The following NUP210 variants were observed in gnomAD, a reference collection of about 807,000 sequenced individuals.
NUP210 encodes nuclear pore membrane glycoprotein 210.
Under a neutral mutation model 196.0 loss-of-function variants are expected in NUP210, and 151 were observed. The ratio of observed to expected loss-of-function variants is 0.77; its 90% CI spans 0.67 to 0.88. The LOEUF (loss-of-function observed/expected upper bound fraction) is 0.88, where lower values mean the gene tolerates loss of function less well. NUP210 is among the 40% of genes least tolerant of loss of function. NUP210 has a pLI of 0.00. For synonymous variants in NUP210, 1,070 were observed against 1,052.7 expected, an observed-to-expected ratio of 1.02 and a Z score of -0.32; for missense variants, 2,314 against 2,493.7, an observed-to-expected ratio of 0.93 and a Z score of 1.53.
chr3:13,345,091 C>T, intron 20 of NUP210: 4 of 985,462 alleles, frequency 4.1e-6, no homozygotes, highest in Non-Finnish European at 4.8e-6. Flanking sequence ...ACAGCCTAGC[C>T]TCCTACGAGC....
intron 33 of NUP210, among the ~76,000 whole-genome samples, chr3:13,324,457 C>T (rs569443625): frequency 1.4e-4 from 21 of 152,132 alleles, no homozygotes; most frequent in Non-Finnish European, 2.5e-4. Flanking sequence ...TCTAGCTCCC[C>T]GGCCCAGGCT....
chr3:13,374,691 C>T (rs1247680687), intron 11 of NUP210, among the ~76,000 whole-genome samples: 1 of 152,218 alleles, frequency 6.6e-6, no homozygotes, highest in Non-Finnish European at 1.5e-5. Context: ...CCTCCCTGAC[C>T]AGACACAAGC....
At chr3:13,366,161 C>T (rs950231804) in intron 13 of NUP210, 70 bp from the exon 14 acceptor site, 1 of 1,479,068 alleles carries the variant, frequency 6.8e-7, no homozygotes, top group Non-Finnish European at 9.2e-7. Flanking sequence ...TGGAGTCTCG[C>T]TGTGTTGCCC....
intron 20 of NUP210, chr3:13,345,116 T>G: frequency 1.0e-6 from 1 of 985,442 alleles, no homozygotes; most frequent in Non-Finnish European, 1.2e-6. Context: ...CTTGATTGGA[T>G]GAAGATCCAG....
At chr3:13,345,405 C>G (rs1259801701) in intron 20 of NUP210, among the ~76,000 whole-genome samples, 1 of 152,224 alleles carries the variant, frequency 6.6e-6, no homozygotes, top group East Asian at 1.9e-4. Context: ...TTAGGCTCCT[C>G]CTCCGACTCT....
intron 1 of NUP210, among the ~76,000 whole-genome samples, chr3:13,408,020 AC>A (rs1385793667): frequency 1.3e-5 from 2 of 152,124 alleles, no homozygotes; most frequent in Non-Finnish European, 2.9e-5. Context: ...TCTTCCATGG[AC>A]ACTCAGAGGA....
chr3:13,319,700 G>A (rs1696430303), intron 37 of NUP210, 63 bp downstream of exon 37: 1 of 1,424,048 alleles, frequency 7.0e-7, no homozygotes, highest in Non-Finnish European at 9.9e-7. Context: ...TGATAGCCAG[G>A]ACCACTCCTG....
chr3:13,401,604 G>T (rs1012817996), intron 1 of NUP210, among the ~76,000 whole-genome samples: 1 of 152,176 alleles, frequency 6.6e-6, no homozygotes. Context: ...AGCCCACACA[G>T]GAGACAAGAA....
chr3:13,322,006 G>A (rs746343691), intron 35 of NUP210, among the ~76,000 whole-genome samples, 171 bp from the exon 36 acceptor site: 1 of 152,164 alleles, frequency 6.6e-6, no homozygotes, highest in Non-Finnish European at 1.5e-5. Context: ...CCTTGGCCAA[G>A]CTAGGATACC....
At chr3:13,319,358 C>T in intron 37 of NUP210, 33 bp from the exon 38 acceptor site, 1 of 1,544,678 alleles carries the variant, frequency 6.5e-7, no homozygotes, top group Non-Finnish European at 8.9e-7. Context: ...TTACCAAAAC[C>T]ACCAGGCCCA....
chr3:13,322,730 C>T (rs559815811), intron 34 of NUP210, among the ~76,000 whole-genome samples: 5 of 152,348 alleles, frequency 3.3e-5, no homozygotes, highest in South Asian at 4.1e-4. Context: ...ATTTAGGCAA[C>T]GGCACAGTGC....
In NUP210 at chr3:13,323,833, CTG is replaced by C. The variant is rs1471096009; in HGVS notation, c.4645-403_4645-402del. Among the ~76,000 whole-genome samples the C allele has an allele frequency of 6.6e-6, 1 of 152,178 alleles. No individual in the cohort carries two copies. Among genetic ancestry groups the C allele is most frequent in the Non-Finnish European group, 1.5e-5 (1 of 68,024 alleles). ...CCCAGCTGTTCCCCCTGTGCCCATC[CTG>C]TACCTGGCCACACCCAAACAGCCCC... On this transcript the variant is annotated intron_variant, in intron 33 of 39. Transcript: ENST00000254508. This position sits in a 1 kb window ranked among gnomAD's most constrained non-coding sequence, Gnocchi z 4.3.
intron 1 of NUP210, among the ~76,000 whole-genome samples, chr3:13,407,411 G>A (rs1467539618): frequency 6.6e-6 from 1 of 152,018 alleles, no homozygotes; most frequent in African/African-American, 2.4e-5. Context: ...TAGGGTCAGG[G>A]CCCTCCTCAC....
At chr3:13,365,909 G>A in intron 14 of NUP210, 37 bp downstream of exon 14, 1 of 1,611,284 alleles carries the variant, frequency 6.2e-7, no homozygotes, top group Middle Eastern at 1.7e-4. Context: ...GGAAGGAGTG[G>A]GCAGGGGGGT....
At chr3:13,334,346 T>C in intron 28 of NUP210, among the ~76,000 whole-genome samples, 1 of 151,960 alleles carries the variant, frequency 6.6e-6, no homozygotes, top group East Asian at 1.9e-4. Flanking sequence ...ATTTGGTGAG[T>C]GTGGGGATGT....
At position 13,330,466 on chromosome 3, in the gene NUP210, A is replaced by G. The variant is rs149702988; in HGVS notation, c.4104T>C (p.Ala1368=). ...PFGANQTIIV[A]VKVSPVSYLR... Reference sequence around the variant, plus strand: ...GAGGAGAATGCAACCCTACCTTTACAGCAACAATGATGGTTTGGTTGGCCC... The same window carrying G: ...GAGGAGAATGCAACCCTACCTTTACGGCAACAATGATGGTTTGGTTGGCCC... The change falls in exon 30 of 40, where the codon GCT becomes GCC. Residue 1368 remains alanine (A), a synonymous_variant. Transcript: ENST00000254508. The G allele has an allele frequency of 6.2e-7, 1 of 1,613,852 alleles. No homozygotes were observed. The highest frequency in any genetic ancestry group is 1.3e-5 in the African/African-American group (1 of 74,934).
At chr3:13,341,595 A>G (rs1365663429) in intron 23 of NUP210, among the ~76,000 whole-genome samples, 153 bp downstream of exon 23, 1 of 152,152 alleles carries the variant, frequency 6.6e-6, no homozygotes, top group Non-Finnish European at 1.5e-5. Context: ...AGATCCCTAG[A>G]GCTCGTAACA....
chr3:13,394,646 A>G (rs567954552), intron 3 of NUP210, among the ~76,000 whole-genome samples: 2 of 152,336 alleles, frequency 1.3e-5, no homozygotes, highest in South Asian at 4.1e-4. Context: ...CCTCATCTAT[A>G]TAGTGGGCAT....
rs989679614 is a variant in NUP210, at chr3:13,316,811, G to C, written c.*870C>G. The C allele has an allele frequency of 3.3e-5, 5 of 152,372 alleles. No homozygotes were observed. Among genetic ancestry groups the C allele is most frequent in the African/African-American group, 1.2e-4 (5 of 41,466 alleles). The allele number at this position is 152,372 out of a possible 1,614,324, so 9.4% of individuals were successfully genotyped here. ...GAGGAGCAAATGACACTGGGTCTTT[G>C]TGCTGAGGCAGGACACAGCGGCTTT... On this transcript the variant is annotated 3_prime_UTR_variant, in exon 40 of 40. Coordinates refer to ENST00000254508, the MANE Select transcript of NUP210 (RefSeq NM_024923.4).
Sources: gnomAD v4.1 joint callset for allele counts (sites outside exome capture counted in the v4.1 genomes callset) on GRCh38, gnomAD v4.1.1 for gene constraint, Gnocchi (gnomAD v3.1) non-coding constraint, MANE v1.5 for transcripts, NCBI Gene and HGNC (gene_info 2026-07-23, HGNC 2026-07-21) for gene names.